Variants in SIAH3 observed in about 807,000 individuals in gnomAD.
SIAH3 encodes the protein siah E3 ubiquitin protein ligase family member 3, also known as seven in absentia homolog 3.
In SIAH3, 9 loss-of-function variants were observed where a neutral mutation model predicts 12.6. That is an observed-to-expected ratio of 0.72 (90% CI 0.43 to 1.25). The LOEUF (loss-of-function observed/expected upper bound fraction) is 1.25, where lower values mean the gene tolerates loss of function less well. Among genes scored for constraint, SIAH3 ranks in the 50% most tolerant of loss-of-function variants. The probability of loss-of-function intolerance (pLI) is 0.00; values close to 1 mark genes in which losing one functional copy is unlikely to be tolerated. For missense variants in SIAH3, 390 were observed against 365.4 expected (o/e 1.07, Z -0.55); for synonymous variants, 154 against 151.1 (o/e 1.02, Z -0.14).
At chr13:45,818,397 G>A (rs1295222095) in intron 1 of SIAH3, among the ~76,000 whole-genome samples, 1 of 152,202 alleles carries the variant, frequency 6.6e-6, no homozygotes, top group African/African-American at 2.4e-5. Flanking sequence ...GACTTCTAAA[G>A]AGATCATTGT....
chr13:45,847,205 T>C (rs1950763275), intron 1 of SIAH3, among the ~76,000 whole-genome samples: 1 of 152,176 alleles, frequency 6.6e-6, no homozygotes, highest in Non-Finnish European at 1.5e-5. Flanking sequence ...AACAGTCTTG[T>C]TGGAAGCCTT....
At chr13:45,838,428 G>A (rs1409783594) in intron 1 of SIAH3, among the ~76,000 whole-genome samples, 1 of 152,156 alleles carries the variant, frequency 6.6e-6, no homozygotes. Flanking sequence ...TAGCACTTTG[G>A]CTTCAATGAG....
chr13:45,820,715 T>C (rs1193566555), intron 1 of SIAH3, among the ~76,000 whole-genome samples: 1 of 152,170 alleles, frequency 6.6e-6, no homozygotes, highest in Non-Finnish European at 1.5e-5. Flanking sequence ...GCCTGGCTGC[T>C]TCTGCAGTTT....
At chr13:45,826,509 A>G (rs1360548178) in intron 1 of SIAH3, among the ~76,000 whole-genome samples, 3 of 151,678 alleles carry the variant, frequency 2.0e-5, no homozygotes, top group Admixed American at 6.6e-5. Flanking sequence ...GGATAGATGG[A>G]TGGATGGATC....
intron 1 of SIAH3, among the ~76,000 whole-genome samples, chr13:45,805,003 CACACACAA>C (rs1227822894): frequency 6.0e-4 from 83 of 138,606 alleles, no homozygotes; most frequent in East Asian, 2.1e-3. Flanking sequence ...CACACACACA[CACACACAA>C]AATACTTTGG....
chr13:45,782,934 CTG>C lies in SIAH3; in HGVS notation c.*447_*448del, dbSNP rs1334726902. 1 of 152,472 alleles carries C rather than the reference CTG, an allele frequency of 6.6e-6. No individual in the cohort carries two copies. Among genetic ancestry groups the C allele is most frequent in the African/African-American group, 2.4e-5 (1 of 41,456 alleles). 9.4% of individuals were successfully genotyped at this position (152,472 alleles called of 1,614,324 possible). On this transcript the variant is annotated 3_prime_UTR_variant, in exon 2 of 2. Coordinates refer to ENST00000400405, the MANE Select transcript of SIAH3 (RefSeq NM_198849.3). ...CTCTGAGCTGGGCCCCTTCCCCAAC[CTG>C]CCGACTGCACACGTTCAGATTTAGC... is the stretch of plus-strand genomic sequence containing the variant.
At chr13:45,841,865 G>A (rs1006175875) in intron 1 of SIAH3, among the ~76,000 whole-genome samples, 1 of 152,132 alleles carries the variant, frequency 6.6e-6, no homozygotes, top group Non-Finnish European at 1.5e-5. Context: ...TTAATGCCCC[G>A]CTGTTGTCCA....
At chr13:45,849,787 A>G (rs1950773143) in intron 1 of SIAH3, among the ~76,000 whole-genome samples, 1 of 152,388 alleles carries the variant, frequency 6.6e-6, no homozygotes, top group South Asian at 2.1e-4. Context: ...TCAATGAACC[A>G]TATAAATGCA....
chr13:45,813,877 A>G (rs1025812379), intron 1 of SIAH3, among the ~76,000 whole-genome samples: 3 of 152,084 alleles, frequency 2.0e-5, no homozygotes, highest in Non-Finnish European at 4.4e-5. Context: ...TACCTCCCAA[A>G]GCCCCACCTC....
At chr13:45,827,709 T>C (rs1950683843) in intron 1 of SIAH3, among the ~76,000 whole-genome samples, 1 of 152,218 alleles carries the variant, frequency 6.6e-6, no homozygotes, top group Non-Finnish European at 1.5e-5. Flanking sequence ...CATCAGGCTC[T>C]GATTGATTCA....
intron 1 of SIAH3, among the ~76,000 whole-genome samples, chr13:45,838,766 G>T (rs149210656): frequency 9.3e-4 from 142 of 152,098 alleles, no homozygotes; most frequent in African/African-American, 3.2e-3. Context: ...CTCCTTTGGT[G>T]ATTTTCCCTC....
At position 45,783,953 on chromosome 13, in the gene SIAH3, G is replaced by A; in HGVS notation, c.240C>T (p.His80=). The change falls in exon 2 of 2, where the codon CAC becomes CAT. Residue 80 remains histidine, a synonymous_variant. Coordinates refer to ENST00000400405, the MANE Select transcript of SIAH3 (RefSeq NM_198849.3). ...GGTGGGGGTGGGCGTGGTGGCGGAG[G>A]TGGTGGTGGTGGCGGTGGTGGCAGT... The part of the protein sequence containing the change: ...HHHCHHRHHH[H]LRHHAHPHHL... 6.2e-7 allele frequency: 1 copy of A among 1,603,718 alleles called. No individual in the cohort carries two copies. Among genetic ancestry groups the A allele is most frequent in the Non-Finnish European group, 8.5e-7 (1 of 1,175,420 alleles).
At chr13:45,849,465 G>A (rs1184068510) in intron 1 of SIAH3, among the ~76,000 whole-genome samples, 1 of 152,176 alleles carries the variant, frequency 6.6e-6, no homozygotes, top group African/African-American at 2.4e-5. Context: ...ATTATTTTTA[G>A]AGGAGAGTTA....
chr13:45,797,345 C>T (rs1950566516), intron 1 of SIAH3, among the ~76,000 whole-genome samples: 1 of 152,142 alleles, frequency 6.6e-6, no homozygotes, highest in Non-Finnish European at 1.5e-5. Flanking sequence ...CTGCATAATG[C>T]CTGCCGCTTG....
chr13:45,786,626 C>T (rs779965102), intron 1 of SIAH3, among the ~76,000 whole-genome samples: 3 of 152,186 alleles, frequency 2.0e-5, no homozygotes, highest in Non-Finnish European at 4.4e-5. Flanking sequence ...TGTAAAACGG[C>T]GTTACAAACT....
intron 1 of SIAH3, among the ~76,000 whole-genome samples, chr13:45,831,218 AT>A (rs1355138908): frequency 8.8e-5 from 13 of 147,954 alleles, no homozygotes; most frequent in East Asian, 5.8e-4. Context: ...AAATAAATAA[AT>A]AAATAAAATA....
At chr13:45,833,500 C>A (rs184463853) in intron 1 of SIAH3, among the ~76,000 whole-genome samples, 39 of 152,108 alleles carry the variant, frequency 2.6e-4, no homozygotes, top group African/African-American at 9.4e-4. Context: ...CACGCACACA[C>A]ACACACACGG....
At chr13:45,801,102 G>GGC (rs1040435994) in intron 1 of SIAH3, among the ~76,000 whole-genome samples, 2 of 131,562 alleles carry the variant, frequency 1.5e-5, no homozygotes, top group Non-Finnish European at 3.3e-5. Context: ...TGGCGGGGGG[G>GGC]GGCATGGCTG....
At chr13:45,795,462 A>C in intron 1 of SIAH3, among the ~76,000 whole-genome samples, 1 of 152,218 alleles carries the variant, frequency 6.6e-6, no homozygotes, top group East Asian at 1.9e-4. Flanking sequence ...TTGAGATAAC[A>C]AATGCCTCCG....
Sources: allele counts gnomAD v4.1 joint callset (sites outside exome capture counted in the v4.1 genomes callset), GRCh38; gene constraint gnomAD v4.1.1; transcripts MANE v1.5; gene names NCBI Gene and HGNC (gene_info 2026-07-23, HGNC 2026-07-21).